PRUNE2: variants seen among roughly 807,000 people sequenced by gnomAD.
The protein encoded by PRUNE2 is prune homolog 2 with BCH domain, also known as protein prune homolog 2.
In PRUNE2, 164 loss-of-function variants were observed where a neutral mutation model predicts 252.0. The observed-to-expected ratio is 0.65, with a 90% CI of 0.57 to 0.74. The LOEUF is 0.74. Among genes scored for constraint, PRUNE2 ranks in the 30% least tolerant of loss-of-function variants. The pLI is 0.00. For missense variants in PRUNE2, 3,495 were observed against 3,711.0 expected, an observed-to-expected ratio of 0.94 and a Z score of 1.51; for synonymous variants, 1,292 against 1,350.2, an observed-to-expected ratio of 0.96 and a Z score of 0.94.
chr9:76,768,583 A>ATGTGTGTG (rs55793596), intron 6 of PRUNE2, among the ~76,000 whole-genome samples: 278 of 103,344 alleles, frequency 2.7e-3, no homozygotes, highest in African/African-American at 7.6e-3. Context: ...ATGTATATGT[A>ATGTGTGTG]TGTGTGTGTG....
chr9:76,808,186 A>C (rs896987115), intron 6 of PRUNE2, among the ~76,000 whole-genome samples: 1 of 152,150 alleles, frequency 6.6e-6, no homozygotes, highest in Non-Finnish European at 1.5e-5. Flanking sequence ...TGTGTCAAAA[A>C]ACAAAAACAA....
intron 10 of PRUNE2, 126 bp downstream of exon 10, chr9:76,655,296 CT>C (rs1848761150): frequency 2.6e-6 from 2 of 765,358 alleles, no homozygotes; most frequent in Non-Finnish European, 4.5e-6. Flanking sequence ...TCACACATTT[CT>C]TTTTTCCTCT....
intron 1 of PRUNE2, among the ~76,000 whole-genome samples, chr9:76,886,485 C>G (rs2062106708): frequency 6.6e-6 from 1 of 152,166 alleles, no homozygotes; most frequent in Non-Finnish European, 1.5e-5. Context: ...ACCTGCATAG[C>G]TTTACCCATT....
intron 6 of PRUNE2, among the ~76,000 whole-genome samples, chr9:76,794,155 C>A (rs1340909069): frequency 6.6e-6 from 1 of 152,156 alleles, no homozygotes; most frequent in Non-Finnish European, 1.5e-5. Context: ...ATCTTAAAAA[C>A]AATCCTATGA....
chr9:76,811,149 T>G (rs1465619959), intron 6 of PRUNE2, among the ~76,000 whole-genome samples: 1 of 152,190 alleles, frequency 6.6e-6, no homozygotes, highest in African/African-American at 2.4e-5. Flanking sequence ...AGCCAAATCC[T>G]TCCAGAAATT....
At chr9:76,780,995 T>A (rs1002462023) in intron 6 of PRUNE2, among the ~76,000 whole-genome samples, 1 of 152,168 alleles carries the variant, frequency 6.6e-6, no homozygotes, top group African/African-American at 2.4e-5. Flanking sequence ...CCATGACATT[T>A]TTTCCTCCCT....
Position 76,706,752 on chromosome 9 carries a change from T to C in PRUNE2, c.5522A>G (p.Glu1841Gly). Residue 1841 changes from glutamate (E) to glycine (G), a missense_variant, in exon 8 of 19, where the codon GAA becomes GGA. Coordinates refer to ENST00000376718, the MANE Select transcript of PRUNE2 (RefSeq NM_015225.3). Reference sequence around the variant, plus strand: ...AGACAGCTCCCTTTCAAATGGACTTTCAATTAGTCTCCCTTCCTGGGGTGA... The same window carrying C: ...AGACAGCTCCCTTTCAAATGGACTTCCAATTAGTCTCCCTTCCTGGGGTGA... ...KASPQEGRLI[E>G]SPFERELSDS... 1 of 1,612,328 alleles carries C rather than the reference T, an allele frequency of 6.2e-7. No homozygotes were observed. The highest frequency in any genetic ancestry group is 1.3e-5 in the African/African-American group (1 of 75,042).
At chr9:76,620,892 C>T (rs990591456) in intron 17 of PRUNE2, among the ~76,000 whole-genome samples, 4 of 152,172 alleles carry the variant, frequency 2.6e-5, no homozygotes, top group Non-Finnish European at 5.9e-5. Flanking sequence ...AGGCAACACA[C>T]GGATGCTTCC....
At chr9:76,629,097 C>A (rs1199741877) in intron 16 of PRUNE2, 95 bp downstream of exon 16, 7 of 682,852 alleles carry the variant, frequency 1.0e-5, no homozygotes, top group Non-Finnish European at 1.7e-5. Flanking sequence ...TTCCACTCAG[C>A]CTCCCAAAGT....
intron 6 of PRUNE2, among the ~76,000 whole-genome samples, chr9:76,795,369 A>C (rs920865604): frequency 1.3e-5 from 2 of 152,174 alleles, no homozygotes; most frequent in African/African-American, 4.8e-5. Context: ...GAAGTCAGGC[A>C]CTAGACCCAG....
In PRUNE2 at chr9:76,613,666, T is replaced by A. The variant is rs894953298; in HGVS notation, c.*904A>T. 1.3e-5 allele frequency: 2 copies of A among 152,182 alleles called. No homozygotes were observed. The highest frequency in any genetic ancestry group is 2.9e-5 in the Non-Finnish European group (2 of 68,030). The allele number at this position is 152,182 out of a possible 1,614,324, so 9.4% of individuals were successfully genotyped here. On this transcript the variant is annotated 3_prime_UTR_variant, in exon 19 of 19. Coordinates refer to ENST00000376718, the MANE Select transcript of PRUNE2 (RefSeq NM_015225.3). Reference sequence around the variant, plus strand: ...CATGAAAGTAATACTCATATTTAATTTTAAGCCTATGATCAGATTACGGTG... The same window carrying A: ...CATGAAAGTAATACTCATATTTAATATTAAGCCTATGATCAGATTACGGTG...
intron 11 of PRUNE2, among the ~76,000 whole-genome samples, chr9:76,649,622 A>C (rs906641735): frequency 6.6e-6 from 1 of 151,838 alleles, no homozygotes; most frequent in African/African-American, 2.4e-5. Context: ...TGATAGATAG[A>C]TAGATAGATA....
At chr9:76,870,849 T>A (rs1011729146) in intron 1 of PRUNE2, among the ~76,000 whole-genome samples, 1 of 150,932 alleles carries the variant, frequency 6.6e-6, no homozygotes, top group Non-Finnish European at 1.5e-5. Flanking sequence ...GAAACCTAAG[T>A]GGCAACAACC....
At chr9:76,795,354 T>C (rs2055989800) in intron 6 of PRUNE2, among the ~76,000 whole-genome samples, 1 of 152,020 alleles carries the variant, frequency 6.6e-6, no homozygotes, top group Non-Finnish European at 1.5e-5. Context: ...AGACAAACAT[T>C]GAGAGAAGTC....
intron 6 of PRUNE2, among the ~76,000 whole-genome samples, chr9:76,752,821 A>T (rs2050752748): frequency 1.3e-5 from 2 of 152,306 alleles, no homozygotes; most frequent in Admixed American, 1.3e-4. Context: ...GCAGTTGGTT[A>T]GGGATACTGA....
intron 4 of PRUNE2, among the ~76,000 whole-genome samples, chr9:76,831,726 C>A (rs1276293311): frequency 2.6e-5 from 4 of 151,938 alleles, no homozygotes; most frequent in African/African-American, 4.8e-5. Context: ...AAATGTGTGA[C>A]AAGTAGGAAA....
chr9:76,719,653 C>CA (rs1554723478), intron 6 of PRUNE2, among the ~76,000 whole-genome samples: 1 of 147,880 alleles, frequency 6.8e-6, no homozygotes, highest in Non-Finnish European at 1.5e-5. Flanking sequence ...ATATATGTTC[C>CA]TTTTTTTTTT....
At chr9:76,854,274 A>G (rs1589600402) in intron 1 of PRUNE2, 66 bp from the exon 2 acceptor site, 1 of 833,114 alleles carries the variant, frequency 1.2e-6, no homozygotes, top group African/African-American at 1.7e-5. Context: ...CATATTTTTA[A>G]TATTTTAAAA....
chr9:76,705,919 T>C lies in PRUNE2; in HGVS notation c.6355A>G (p.Lys2119Glu). The part of the protein sequence containing the change: ...HDSEAKQETE[K>E]HLSACMGPEV... ...GGTCCCATGCAAGCACTGAGGTGCT[T>C]CTCAGTCTCTTGCTTTGCTTCAGAA... Residue 2119 changes from lysine (K) to glutamate (E), a missense_variant, in exon 8 of 19, where the codon AAG becomes GAG. By Grantham distance (56) the Lys-to-Glu change is moderately conservative. Coordinates refer to ENST00000376718, the MANE Select transcript of PRUNE2 (RefSeq NM_015225.3). 3.1e-6 allele frequency: 5 copies of C among 1,613,946 alleles called. No individual in the cohort carries two copies. Among genetic ancestry groups the C allele is most frequent in the Non-Finnish European group, 4.2e-6 (5 of 1,179,850 alleles).
Sources: gnomAD v4.1 joint callset for allele counts (sites outside exome capture counted in the v4.1 genomes callset) on GRCh38, gnomAD v4.1.1 for gene constraint, MANE v1.5 for transcripts, NCBI Gene and HGNC (gene_info 2026-07-23, HGNC 2026-07-21) for gene names.